Variants in UNC13C observed in about 807,000 individuals in gnomAD.
The protein encoded by UNC13C is protein unc-13 homolog C.
A neutral mutation model predicts 245.4 loss-of-function variants in UNC13C; 174 were observed. The ratio of observed to expected loss-of-function variants is 0.71; its 90% confidence interval spans 0.63 to 0.80. The LOEUF is 0.80. Among genes scored for constraint, UNC13C ranks in the 30% least tolerant of loss-of-function variants. The probability of loss-of-function intolerance (pLI) is 0.00; values close to 1 mark genes in which losing one functional copy is unlikely to be tolerated. For synonymous variants in UNC13C, 992 were observed against 895.1 expected (o/e 1.11, Z -1.93); for missense variants, 2,829 against 2,602.9 (o/e 1.09, Z -1.89).
intron 2 of UNC13C, among the ~76,000 whole-genome samples, chr15:54,119,635 G>A (rs1319152248): frequency 6.6e-6 from 1 of 152,098 alleles, no homozygotes; most frequent in African/African-American, 2.4e-5. Flanking sequence ...TTGAAAACTA[G>A]AAATGATTAA....
chr15:54,445,465 T>G (rs1377027621), intron 19 of UNC13C, among the ~76,000 whole-genome samples: 1 of 152,178 alleles, frequency 6.6e-6, no homozygotes. Context: ...CAGCACCTGT[T>G]GTTTCCTGAC....
At chr15:53,932,461 G>A in the UNC13C span, among the ~76,000 whole-genome samples, 1 of 152,134 alleles carries the variant, frequency 6.6e-6, no homozygotes, top group African/African-American at 2.4e-5. Flanking sequence ...TAAAATTAAT[G>A]CAATTTGTCT....
chr15:54,490,287 A>G (rs958230684), intron 19 of UNC13C, among the ~76,000 whole-genome samples: 30 of 152,212 alleles, frequency 2.0e-4, no homozygotes, highest in African/African-American at 7.0e-4. Flanking sequence ...AGATTTAGGT[A>G]TCTTTCCTAT....
the UNC13C span, among the ~76,000 whole-genome samples, chr15:53,925,207 T>A: frequency 2.6e-5 from 4 of 152,222 alleles, no homozygotes; most frequent in African/African-American, 9.6e-5. Flanking sequence ...TTACAGTAAT[T>A]ACATGAGATT....
At chr15:54,455,205 C>CTATATATATATATATATATATATATA (rs1214014395) in intron 19 of UNC13C, among the ~76,000 whole-genome samples, 1 of 18,964 alleles carries the variant, frequency 5.3e-5, no homozygotes, top group African/African-American at 1.9e-4. Flanking sequence ...CTCTCTCTCT[C>CTATATATATATATATATATATATATA]TATATATATA....
At chr15:54,387,633 C>T (rs1461597572) in intron 17 of UNC13C, among the ~76,000 whole-genome samples, 1 of 152,088 alleles carries the variant, frequency 6.6e-6, no homozygotes. Context: ...AACCTATGAA[C>T]TTCTATAGCT....
At chr15:53,853,841 G>GT in the UNC13C span, among the ~76,000 whole-genome samples, 16 of 152,138 alleles carry the variant, frequency 1.1e-4, no homozygotes, top group African/African-American at 3.6e-4. Flanking sequence ...TAATGGGGTT[G>GT]TTTGTTTTTT....
chr15:54,313,073 C>A (rs2037917413), intron 13 of UNC13C, among the ~76,000 whole-genome samples: 1 of 151,714 alleles, frequency 6.6e-6, no homozygotes, highest in Admixed American at 6.6e-5. Context: ...CCCCAGAAAT[C>A]ACCTCAGTTA....
chr15:54,552,608 T>TTATATTATATTGTACAATATATAA, intron 28 of UNC13C, among the ~76,000 whole-genome samples: 1 of 81,102 alleles, frequency 1.2e-5, no homozygotes, highest in African/African-American at 5.9e-5. Context: ...TAATATATAA[T>TTATATTATATTGTACAATATATAA]TATATAATTA....
At chr15:54,000,353 C>T (rs1286894793) in intron 1 of UNC13C, among the ~76,000 whole-genome samples, 2 of 152,104 alleles carry the variant, frequency 1.3e-5, no homozygotes, top group Non-Finnish European at 2.9e-5. Context: ...TGACACCTCC[C>T]TCCATGGCTA....
At chr15:54,447,219 C>T (rs1014031824) in intron 19 of UNC13C, among the ~76,000 whole-genome samples, 20 of 152,212 alleles carry the variant, frequency 1.3e-4, no homozygotes, top group African/African-American at 4.3e-4. Context: ...ATATTTGCAT[C>T]GATGTTCATC....
chr15:54,161,225 A>G (rs368555046), intron 4 of UNC13C, among the ~76,000 whole-genome samples: 7 of 152,238 alleles, frequency 4.6e-5, no homozygotes, highest in Admixed American at 3.9e-4. Context: ...CAGCCTCCCA[A>G]ATAGCCGAGA....
chr15:53,976,522 A>G, upstream of UNC13C, among the ~76,000 whole-genome samples: 1 of 109,888 alleles, frequency 9.1e-6, no homozygotes, highest in Non-Finnish European at 1.7e-5. Flanking sequence ...CCCAGGCTGG[A>G]GTGCAATGGC....
rs531022801 is a variant in UNC13C, at chr15:54,531,714, C to T, written c.5547-1203C>T. ...CCATAAAATTCTCCCATTTCAAATA[C>T]GCAGGTGAGTGGTTTCTAGCATATT... On this transcript the variant is annotated intron_variant, in intron 25 of 32. Transcript: ENST00000260323. Among the ~76,000 whole-genome samples, 7 of 151,650 alleles carry T rather than the reference C, an allele frequency of 4.6e-5. No homozygotes were observed. In the South Asian group the frequency reaches 8.3e-4, roughly 18 times the overall value.
intron 2 of UNC13C, among the ~76,000 whole-genome samples, chr15:54,017,126 T>A (rs531766415): frequency 5.3e-5 from 8 of 152,186 alleles, no homozygotes; most frequent in Non-Finnish European, 1.0e-4. Flanking sequence ...TAAAAATCTA[T>A]CTTTATAAAA....
At chr15:54,616,729 T>C (rs574750002) in intron 30 of UNC13C, among the ~76,000 whole-genome samples, 2 of 152,200 alleles carry the variant, frequency 1.3e-5, no homozygotes, top group South Asian at 4.1e-4. Flanking sequence ...AAAGTTTACT[T>C]TATTATTGAA....
intron 19 of UNC13C, among the ~76,000 whole-genome samples, chr15:54,417,454 G>A (rs1488444194): frequency 1.3e-5 from 2 of 152,028 alleles, no homozygotes; most frequent in Admixed American, 1.3e-4. Context: ...TAAGCTAAAT[G>A]TTATAGAAAG....
chr15:54,196,886 A>C (rs2034370405), intron 4 of UNC13C, among the ~76,000 whole-genome samples: 1 of 152,148 alleles, frequency 6.6e-6, no homozygotes, highest in South Asian at 2.1e-4. Context: ...AAAAACTGAA[A>C]TATTTACTTT....
At chr15:54,326,388 A>G (rs972238644) in intron 14 of UNC13C, among the ~76,000 whole-genome samples, 4 of 152,114 alleles carry the variant, frequency 2.6e-5, no homozygotes, top group Admixed American at 1.3e-4. Flanking sequence ...GTTGGGCACT[A>G]TAAATGTGTT....
Sources: allele counts gnomAD v4.1 joint callset (sites outside exome capture counted in the v4.1 genomes callset), GRCh38; gene constraint gnomAD v4.1.1; transcripts MANE v1.5; gene names NCBI Gene and HGNC (gene_info 2026-07-23, HGNC 2026-07-21).